Variants in PLXNC1 observed in about 807,000 individuals in gnomAD.
The protein encoded by PLXNC1 is plexin-C1.
In PLXNC1, 75 loss-of-function variants were observed where a neutral mutation model predicts 178.2. That is an observed-to-expected ratio of 0.42 (90% CI 0.35 to 0.51). The LOEUF (loss-of-function observed/expected upper bound fraction) is 0.51, where lower values mean the gene tolerates loss of function less well. Among genes scored for constraint, PLXNC1 ranks in the 20% least tolerant of loss-of-function variants. The pLI is 0.02. For missense variants in PLXNC1, 1,503 were observed against 1,984.4 expected (o/e 0.76, Z 4.61); for synonymous variants, 790 against 779.9 (o/e 1.01, Z -0.22).
chr12:94,286,616 C>CAAAA (rs61238982), intron 23 of PLXNC1, among the ~76,000 whole-genome samples: 2 of 101,376 alleles, frequency 2.0e-5, no homozygotes, highest in African/African-American at 4.0e-5. Context: ...TGCTTAAAAG[C>CAAAA]AAAAAAAAAA....
At chr12:94,245,505 A>AC (rs55935213) in intron 12 of PLXNC1, among the ~76,000 whole-genome samples, 41 of 151,930 alleles carry the variant, frequency 2.7e-4, no homozygotes, top group African/African-American at 7.5e-4. Flanking sequence ...ACATAGTGAG[A>AC]CCCCCATCTC....
intron 11 of PLXNC1, among the ~76,000 whole-genome samples, chr12:94,242,116 A>G (rs1336488785): frequency 6.6e-6 from 1 of 152,092 alleles, no homozygotes; most frequent in Non-Finnish European, 1.5e-5. Flanking sequence ...TAGGGTGGAC[A>G]TAAAGTGCCA....
At chr12:94,198,419 G>A (rs1013404312) in intron 4 of PLXNC1, among the ~76,000 whole-genome samples, 1 of 152,086 alleles carries the variant, frequency 6.6e-6, no homozygotes, top group Non-Finnish European at 1.5e-5. Flanking sequence ...GAGTTGATAG[G>A]TGCAGCAAAC....
At chr12:94,282,129 CAAA>C (rs763861904) in intron 22 of PLXNC1, 166 bp from the exon 23 acceptor site, 13 of 566,846 alleles carry the variant, frequency 2.3e-5, no homozygotes, top group Non-Finnish European at 4.1e-5. Context: ...AACAAACAAA[CAAA>C]GTAAAACAGA....
rs534539537 is a variant in PLXNC1 at position 94,287,703 on chromosome 12, G to A, written c.3879+5302G>A. 4.8e-4 allele frequency among the ~76,000 whole-genome samples: 73 copies of A among 152,310 alleles called. No homozygotes were observed. In the South Asian group the frequency reaches 5.8e-3, roughly 12 times the overall value. ...TTAAAGCTCATAGGAATGCCCCAAA[G>A]GGTCTGTTAAGTAAGGTCAGCAATG... On this transcript the variant is annotated intron_variant, in intron 23 of 30. Coordinates refer to ENST00000258526, the MANE Select transcript of PLXNC1 (RefSeq NM_005761.3).
intron 2 of PLXNC1, among the ~76,000 whole-genome samples, chr12:94,174,180 T>C (rs1383401898): frequency 3.9e-5 from 6 of 152,104 alleles, no homozygotes; most frequent in Non-Finnish European, 8.8e-5. Flanking sequence ...TGGCTTTCTT[T>C]TGTTTATTTT....
intron 4 of PLXNC1, among the ~76,000 whole-genome samples, chr12:94,201,220 A>T (rs1238918518): frequency 6.6e-6 from 1 of 152,214 alleles, no homozygotes; most frequent in Admixed American, 6.5e-5. Flanking sequence ...TTTAGGAGGA[A>T]ACAGAGCTGT....
intron 1 of PLXNC1, among the ~76,000 whole-genome samples, chr12:94,152,424 A>T (rs1037441342): frequency 1.3e-5 from 2 of 152,254 alleles, no homozygotes; most frequent in Non-Finnish European, 2.9e-5. Context: ...CACTGAAAGG[A>T]CGATAGCAGA....
chr12:94,161,588 A>G (rs1177644237), intron 1 of PLXNC1, among the ~76,000 whole-genome samples: 4 of 152,212 alleles, frequency 2.6e-5, no homozygotes, highest in Non-Finnish European at 5.9e-5. Flanking sequence ...CAATCCTATT[A>G]TTATTTGCTT....
chr12:94,259,051 A>C (rs575563967), intron 17 of PLXNC1, among the ~76,000 whole-genome samples: 1 of 152,332 alleles, frequency 6.6e-6, no homozygotes, highest in African/African-American at 2.4e-5. Flanking sequence ...TAACTCTTAA[A>C]TCACTTCTTC....
At chr12:94,229,721 T>C (rs1361947468) in intron 9 of PLXNC1, among the ~76,000 whole-genome samples, 1 of 152,226 alleles carries the variant, frequency 6.6e-6, no homozygotes. Flanking sequence ...TGTGAGAGTG[T>C]ATTTCTGGGT....
intron 5 of PLXNC1, among the ~76,000 whole-genome samples, chr12:94,217,302 C>A (rs1214295408): frequency 2.0e-5 from 3 of 152,178 alleles, no homozygotes; most frequent in Non-Finnish European, 4.4e-5. Context: ...CCTTGCTGGT[C>A]CCTTCCCTCC....
At chr12:94,251,716 C>T (rs898832860) in intron 15 of PLXNC1, among the ~76,000 whole-genome samples, 188 bp downstream of exon 15, 6 of 152,212 alleles carry the variant, frequency 3.9e-5, no homozygotes, top group Admixed American at 1.3e-4. Context: ...TTTGGCCAGG[C>T]GTGGTGGCTG....
intron 22 of PLXNC1, chr12:94,281,686 AT>A (rs1228872004): frequency 6.6e-6 from 1 of 152,226 alleles, no homozygotes; most frequent in East Asian, 1.9e-4. Context: ...CTCCCAAAGT[AT>A]TGGGATTATA....
chr12:94,236,526 G>A (rs1029220367), intron 9 of PLXNC1, among the ~76,000 whole-genome samples: 3 of 152,184 alleles, frequency 2.0e-5, no homozygotes, highest in Non-Finnish European at 4.4e-5. Flanking sequence ...TCCTGGACTC[G>A]GTCCTCCAAG....
chr12:94,202,241 A>G (rs975770859), intron 4 of PLXNC1, among the ~76,000 whole-genome samples: 3 of 152,190 alleles, frequency 2.0e-5, no homozygotes, highest in Non-Finnish European at 2.9e-5. Context: ...GTTTTTGTCT[A>G]TGTGCTTCTC....
intron 1 of PLXNC1, among the ~76,000 whole-genome samples, chr12:94,164,493 G>T (rs1296307418): frequency 6.6e-6 from 1 of 152,206 alleles, no homozygotes; most frequent in East Asian, 1.9e-4. Flanking sequence ...GCAGGGCCAA[G>T]CTGTGGCTCA....
At chr12:94,195,438 G>A (rs1816374502) in intron 4 of PLXNC1, among the ~76,000 whole-genome samples, 1 of 152,062 alleles carries the variant, frequency 6.6e-6, no homozygotes, top group Admixed American at 6.6e-5. Context: ...TCTGGTTTTA[G>A]TGCCATGATG....
chr12:94,201,497 A>G (rs1317378889), intron 4 of PLXNC1, among the ~76,000 whole-genome samples: 1 of 152,174 alleles, frequency 6.6e-6, no homozygotes, highest in African/African-American at 2.4e-5. Flanking sequence ...ACAGATGTAC[A>G]TTTTTCTCCC....
Sources: gnomAD v4.1 joint callset for allele counts (sites outside exome capture counted in the v4.1 genomes callset) on GRCh38, gnomAD v4.1.1 for gene constraint, MANE v1.5 for transcripts, NCBI Gene and HGNC (gene_info 2026-07-23, HGNC 2026-07-21) for gene names.